The following KANSL1 variants were observed in gnomAD, a reference collection of about 807,000 sequenced individuals.
The protein encoded by KANSL1 is KAT8 regulatory NSL complex subunit 1.
In KANSL1, 22 loss-of-function variants were observed where a neutral mutation model predicts 103.6. The ratio of observed to expected loss-of-function variants is 0.21; its 90% CI spans 0.15 to 0.30. The LOEUF (loss-of-function observed/expected upper bound fraction) is 0.30, where lower values mean the gene tolerates loss of function less well. Ranked by LOEUF, KANSL1 falls within the 10% of genes least tolerant of loss-of-function variation. KANSL1 has a pLI of 1.00. For missense variants in KANSL1, 1,337 were observed against 1,399.8 expected (o/e 0.96, Z 0.72); for synonymous variants, 600 against 527.6 (o/e 1.14, Z -1.88).
rs1240289512 is a variant in KANSL1 at position 46,043,701 on chromosome 17, TA to T, written c.2021-3818del. ...ATGACTGCTATGAGTCTCTCAACTC[TA>T]AAATGTTTAGTCAATGACTCTTCAA... On this transcript the variant is annotated intron_variant, in intron 7 of 14. Coordinates refer to ENST00000432791, the MANE Select transcript of KANSL1 (RefSeq NM_015443.4). The T allele has an allele frequency of 2.0e-5, 3 of 152,336 alleles. No homozygotes were observed. The East Asian group carries it at 5.8e-4, about 29-fold the overall frequency. The allele number at this position is 152,336 out of a possible 1,614,324, so 9.4% of individuals were successfully genotyped here.
chr17:46,076,596 C>T (rs1221825567), intron 4 of KANSL1, among the ~76,000 whole-genome samples: 1 of 114,926 alleles, frequency 8.7e-6, no homozygotes, highest in African/African-American at 2.6e-5. Context: ...AACAACACAA[C>T]ATAAACCAAA....
At chr17:46,143,803 C>CAAAAAAAAA (rs57361021) in intron 2 of KANSL1, among the ~76,000 whole-genome samples, 280 of 85,452 alleles carry the variant, frequency 3.3e-3, no homozygotes, top group Non-Finnish European at 4.1e-3. Context: ...GACTCCATCT[C>CAAAAAAAAA]AAAAAAAAAA....
chr17:46,158,827 C>G lies in KANSL1; in HGVS notation c.1289+12028G>C, dbSNP rs560397815. ...AAGTGCTGGGATTACAGGCATAAGC[C>G]ACCACACCCGGCCAAGAGACTTATT... On this transcript the variant is annotated intron_variant, in intron 2 of 14. Transcript: ENST00000432791. 3.9e-5 allele frequency among the ~76,000 whole-genome samples: 6 copies of G among 152,352 alleles called. No individual in the cohort carries two copies. In the South Asian group the frequency reaches 1.0e-3, roughly 26 times the overall value.
chr17:46,180,872 C>A (rs940695497), intron 1 of KANSL1, among the ~76,000 whole-genome samples: 4 of 152,080 alleles, frequency 2.6e-5, no homozygotes, highest in African/African-American at 9.7e-5. Flanking sequence ...TATACACACA[C>A]ATATATATGT....
rs551923672 is a variant in KANSL1 at position 46,066,712 on chromosome 17, T to C, written c.1673A>G (p.Asp558Gly). Residue 558 changes from aspartate (D) to glycine (G), a missense_variant, in exon 6 of 15, where the codon GAC (aspartate) becomes GGC (glycine). Coordinates refer to ENST00000432791, the MANE Select transcript of KANSL1 (RefSeq NM_015443.4). ...ATCAGAGCTGTCACCTGGAATGTGGTCTGCCAAGACAGGCTGAAGACTATA... is the reference window on the plus strand; with the variant it reads ...ATCAGAGCTGTCACCTGGAATGTGGCCTGCCAAGACAGGCTGAAGACTATA... ...VINTLQPVLA[D>G]HIPGDSSDAE... is the part of the protein sequence containing the mutation. 1.2e-6 allele frequency: 2 copies of C among 1,614,026 alleles called. No homozygotes were observed. The highest frequency in any genetic ancestry group is 1.7e-6 in the Non-Finnish European group (2 of 1,179,950).
intron 6 of KANSL1, among the ~76,000 whole-genome samples, chr17:46,051,539 T>C (rs1377112671): frequency 6.6e-6 from 1 of 152,234 alleles, no homozygotes; most frequent in Non-Finnish European, 1.5e-5. Context: ...ATTTTATACT[T>C]TGAGCAAATT....
At chr17:46,054,847 C>G (rs557757673) in intron 6 of KANSL1, among the ~76,000 whole-genome samples, 1 of 150,532 alleles carries the variant, frequency 6.6e-6, no homozygotes, top group African/African-American at 2.4e-5. Context: ...TGTCAGTATT[C>G]AAAGTAACTT....
At chr17:46,155,951 T>C (rs1248352244) in intron 2 of KANSL1, among the ~76,000 whole-genome samples, 2 of 152,160 alleles carry the variant, frequency 1.3e-5, no homozygotes, top group African/African-American at 2.4e-5. Context: ...AAACATACTC[T>C]AAGAACAATC....
intron 1 of KANSL1, chr17:46,222,654 T>C (rs1486672407): frequency 6.6e-6 from 1 of 152,326 alleles, no homozygotes; most frequent in African/African-American, 2.4e-5. Context: ...AGTCCAGATA[T>C]TTAGGTTACA....
chr17:46,150,823 C>T (rs1283856403), intron 2 of KANSL1, among the ~76,000 whole-genome samples: 1 of 151,766 alleles, frequency 6.6e-6, no homozygotes, highest in Non-Finnish European at 1.5e-5. Flanking sequence ...CACTGCCTAC[C>T]TGGGAAAACT....
chr17:46,217,050 G>A (rs557052612), intron 1 of KANSL1, among the ~76,000 whole-genome samples: 2 of 150,910 alleles, frequency 1.3e-5, no homozygotes, highest in African/African-American at 4.9e-5. Flanking sequence ...GGGGGCTGGA[G>A]GTTGCAGTGA....
chr17:46,048,515 C>T lies in KANSL1; in HGVS notation c.2020+2018G>A, dbSNP rs376428537. On this transcript the variant is annotated intron_variant, in intron 7 of 14. Transcript: ENST00000432791. ...CCAGGAGGTGGGGGCTGCAGTGAGCCAACATCACACCACTGCACTACAGCC... is the reference window on the plus strand; with the variant it reads ...CCAGGAGGTGGGGGCTGCAGTGAGCTAACATCACACCACTGCACTACAGCC... 2.5e-3 allele frequency among the ~76,000 whole-genome samples: 379 copies of T among 152,150 alleles called. 21 individuals carry two copies. In the South Asian group the frequency reaches 0.073, roughly 29 times the overall value.
At chr17:46,173,312 T>C (rs2046373920) in intron 1 of KANSL1, among the ~76,000 whole-genome samples, 1 of 152,250 alleles carries the variant, frequency 6.6e-6, no homozygotes, top group South Asian at 2.1e-4. Context: ...ATAACCTCTA[T>C]GTTCCTCAAG....
chr17:46,211,897 T>C (rs2048179218), intron 1 of KANSL1, among the ~76,000 whole-genome samples: 1 of 152,202 alleles, frequency 6.6e-6, no homozygotes. Context: ...TCCTACAGGA[T>C]AGAAGTGCTA....
chr17:46,141,243 G>A (rs574355754), intron 2 of KANSL1, among the ~76,000 whole-genome samples: 2 of 152,186 alleles, frequency 1.3e-5, no homozygotes, highest in Admixed American at 6.5e-5. Context: ...ACAAGGTGAA[G>A]CAAATGCATT....
chr17:46,081,657 T>C (rs1263250651), intron 4 of KANSL1, among the ~76,000 whole-genome samples: 1 of 152,140 alleles, frequency 6.6e-6, no homozygotes, highest in Non-Finnish European at 1.5e-5. Context: ...TTAAAATAAA[T>C]AAAAGAACTA....
At chr17:46,079,705 A>T (rs2078912500) in intron 4 of KANSL1, among the ~76,000 whole-genome samples, 1 of 152,220 alleles carries the variant, frequency 6.6e-6, no homozygotes, top group Non-Finnish European at 1.5e-5. Flanking sequence ...AGGCTGGTGC[A>T]GTGGTTCACA....
chr17:46,057,520 T>C (rs565456576), intron 6 of KANSL1, among the ~76,000 whole-genome samples: 3 of 152,112 alleles, frequency 2.0e-5, no homozygotes, highest in Non-Finnish European at 2.9e-5. Flanking sequence ...AATTTAACAA[T>C]GGGTCCAGGC....
chr17:46,189,073 C>T (rs1244656184), intron 1 of KANSL1, among the ~76,000 whole-genome samples: 1 of 110,786 alleles, frequency 9.0e-6, no homozygotes, highest in Non-Finnish European at 1.8e-5. Context: ...AAAAGACAAG[C>T]AAGGTTATAT....
Sources: allele counts gnomAD v4.1 joint callset (sites outside exome capture counted in the v4.1 genomes callset), GRCh38; gene constraint gnomAD v4.1.1; transcripts MANE v1.5; gene names NCBI Gene and HGNC (gene_info 2026-07-23, HGNC 2026-07-21).